Variants in HR observed in about 807,000 individuals in gnomAD.
HR encodes the protein lysine-specific demethylase hairless.
Under a neutral mutation model 128.6 loss-of-function variants are expected in HR, and 83 were observed. That is an observed-to-expected ratio of 0.65 (90% confidence interval 0.54 to 0.77). The LOEUF (loss-of-function observed/expected upper bound fraction) is 0.77, where lower values mean the gene tolerates loss of function less well. Ranked by LOEUF, HR falls within the 30% of genes least tolerant of loss-of-function variation. The pLI, the probability that HR is intolerant of heterozygous loss-of-function variation, is 0.00. For missense variants in HR, 1,490 were observed against 1,574.6 expected, an observed-to-expected ratio of 0.95 and a Z score of 0.91; for synonymous variants, 681 against 658.2, an observed-to-expected ratio of 1.03 and a Z score of -0.53.
In HR at chr8:22,127,717, T is replaced by G; in HGVS notation, c.725A>C (p.Glu242Ala). 1.2e-6 allele frequency: 2 copies of G among 1,606,798 alleles called. No homozygotes were observed. The highest frequency in any genetic ancestry group is 1.7e-6 in the Non-Finnish European group (2 of 1,179,996). ...CTGGTGCAGTGAAGGGCGTTCGGCC[T>G]CCCCGGCTCTCTGCAGGTGCCCACC... ...NSGGHLQRAG[E>A]AERPSLHQRD... The change falls in exon 3 of 19, where the codon GAG (glutamate) becomes GCG (alanine). Residue 242 changes from glutamate to alanine, a missense_variant. Around this residue, in one of 3 missense-constraint regions of HR, gnomAD observed 1,060 missense variants for 1,060.9 expected, o/e 1.00. Coordinates refer to ENST00000381418, the MANE Select transcript of HR (RefSeq NM_005144.5).
chr8:22,118,973 G>T lies in HR; in HGVS notation c.3190C>A (p.Arg1064Ser). 6.2e-7 allele frequency: 1 copy of T among 1,611,926 alleles called. No homozygotes were observed. The highest frequency in any genetic ancestry group is 8.5e-7 in the Non-Finnish European group (1 of 1,179,970). ...ACCATCTGGAGAAAGCGGCGGATGC[G>T]CTGGGCGTCCTGTGCCCGGAACACG... ...WHVFRAQDAQ[R>S]IRRFLQMVCP... Residue 1064 changes from arginine (R) to serine (S), a missense_variant, in exon 16 of 19, where the codon CGC becomes AGC. Physicochemically the swap from Arg to Ser is moderately radical, Grantham distance 110. Around this residue, in one of 3 missense-constraint regions of HR, gnomAD observed 423 missense variants for 495.9 expected, o/e 0.85. Coordinates refer to ENST00000381418, the MANE Select transcript of HR (RefSeq NM_005144.5).
rs1189000361 is a variant in HR, at chr8:22,128,598, G to A, written c.573C>T (p.Gly191=). 2 of 1,609,076 alleles carry A rather than the reference G, an allele frequency of 1.2e-6. No homozygotes were observed. Among genetic ancestry groups the A allele is most frequent in the Non-Finnish European group, 1.7e-6 (2 of 1,178,540 alleles). ...TGAAGGCAGAGGGCACTTTGGGCTG[G>A]CCCCCGGAGTATACCCAGGGGTGCG... ...LTPHPWVYSG[G]QPKVPSAFSL... The change falls in exon 2 of 19, where the codon GGC becomes GGT. Residue 191 remains glycine (G), a synonymous_variant. Coordinates refer to ENST00000381418, the MANE Select transcript of HR (RefSeq NM_005144.5).
rs560468454 is a variant in HR at position 22,126,548 on chromosome 8, G to A, written c.1405+489C>T. Among the ~76,000 whole-genome samples, 7 of 152,360 alleles carry A rather than the reference G, an allele frequency of 4.6e-5. No individual in the cohort carries two copies. In the South Asian group the frequency reaches 1.4e-3, roughly 32 times the overall value. ...CCCCAAACAGGGATTTGTGGCACAC[G>A]CAGTCATCACGGTGAACATTTACTG... On this transcript the variant is annotated intron_variant, in intron 3 of 18. Coordinates refer to ENST00000381418, the MANE Select transcript of HR (RefSeq NM_005144.5).
Position 22,116,612 on chromosome 8 carries a change from T to C in HR, c.3379-184A>G, listed in dbSNP as rs1322867995. Among the ~76,000 whole-genome samples, 16 of 150,660 alleles carry C rather than the reference T, an allele frequency of 1.1e-4. No individual in the cohort carries two copies. In the East Asian group the frequency reaches 3.1e-3, roughly 29 times the overall value. On this transcript the variant is annotated intron_variant, in intron 17 of 18. Coordinates refer to ENST00000381418, the MANE Select transcript of HR (RefSeq NM_005144.5). The surrounding 1 kb of genome is among the most constrained non-coding windows in gnomAD (Gnocchi z 4.2). Reference sequence around the variant, plus strand: ...GGCCAAAACCGGGACTCAGAACTGCTGGAGAGACCCTAAAGTCTCCCTGCG... The same window carrying C: ...GGCCAAAACCGGGACTCAGAACTGCCGGAGAGACCCTAAAGTCTCCCTGCG...
intron 9 of HR, 138 bp from the exon 10 acceptor site, chr8:22,121,366 G>T: frequency 8.5e-7 from 1 of 1,181,798 alleles, no homozygotes; most frequent in Non-Finnish European, 1.2e-6. Flanking sequence ...CCTCAGCTCT[G>T]CTCTGGGTCT....
chr8:22,126,988 C>CCCCGCG, intron 3 of HR, 49 bp downstream of exon 3: 3 of 1,552,164 alleles, frequency 1.9e-6, no homozygotes, highest in Non-Finnish European at 2.6e-6. Context: ...GCCCCAGCCC[C>CCCCGCG]GGCTGCCCCC....
At position 22,127,370 on chromosome 8, in the gene HR, G is replaced by C. The variant is rs1826923917; in HGVS notation, c.1072C>G (p.Pro358Ala). The C allele has an allele frequency of 3.7e-6, 6 of 1,613,378 alleles. No homozygotes were observed. Among genetic ancestry groups the C allele is most frequent in the Non-Finnish European group, 5.1e-6 (6 of 1,180,028 alleles). ...LEGGASGASEPSEEVNKASGP... is the reference protein window; with the variant it reads ...LEGGASGASEASEEVNKASGP... Reference sequence around the variant, plus strand: ...GAGGCCTTGTTCACTTCCTCGCTGGGTTCGCTGGCTCCACTGGCACCCCCC... The same window carrying C: ...GAGGCCTTGTTCACTTCCTCGCTGGCTTCGCTGGCTCCACTGGCACCCCCC... The change falls in exon 3 of 19, where the codon CCC becomes GCC. Residue 358 changes from proline (P) to alanine (A), a missense_variant. This residue lies in a region of HR where 1,060 missense variants were observed against 1,060.9 expected (regional missense o/e 1.00). Coordinates refer to ENST00000381418, the MANE Select transcript of HR (RefSeq NM_005144.5).
At position 22,120,814 on chromosome 8, in the gene HR, G is replaced by A. The variant is rs779106694; in HGVS notation, c.2512C>T (p.Arg838Trp). 87 of 1,546,746 alleles carry A rather than the reference G, an allele frequency of 5.6e-5. No homozygotes were observed. The highest frequency in any genetic ancestry group is 1.9e-4 in the South Asian group (16 of 84,076). ...LGLPLSPVRPRLPPPGALLWL... is the reference protein window; with the variant it reads ...LGLPLSPVRPWLPPPGALLWL... Reference sequence around the variant, plus strand: ...AGCAAAGCCCCTGGGGGAGGCAGCCGGGGCCGCACTGGAGAGAGGGGCAGG... The same window carrying A: ...AGCAAAGCCCCTGGGGGAGGCAGCCAGGGCCGCACTGGAGAGAGGGGCAGG... Residue 838 changes from arginine to tryptophan, a missense_variant, in exon 11 of 19, where the codon CGG becomes TGG. Arg to Trp is a moderately radical substitution (Grantham distance 101). Transcript: ENST00000381418.
chr8:22,118,010 T>C (rs1826634762), intron 16 of HR: 2 of 152,156 alleles, frequency 1.3e-5, no homozygotes, highest in Non-Finnish European at 1.5e-5. Context: ...TGGGCCGTAG[T>C]GACTGCCCAC....
In HR at chr8:22,122,838, C is replaced by T. The variant is rs1450116213; in HGVS notation, c.1957G>A (p.Gly653Arg). The T allele has an allele frequency of 1.1e-5, 17 of 1,555,824 alleles. No homozygotes were observed. The highest frequency in any genetic ancestry group is 1.9e-5 in the Admixed American group (1 of 51,890). ...AGCATCAGGGAACAGGCAGCGTGCC[C>T]GGCCTCCTGCGTGCACTCCTCCGCG... ...QSAEECTQEAGHAACSLMLTQ... is the reference protein window; with the variant it reads ...QSAEECTQEARHAACSLMLTQ... Residue 653 changes from glycine (G) to arginine (R), a missense_variant, in exon 7 of 19, where the codon GGG becomes AGG. Physicochemically the swap from Gly to Arg is moderately radical, Grantham distance 125. Transcript: ENST00000381418.
At chr8:22,123,617 T>TGGGGGCG in intron 6 of HR, 32 bp downstream of exon 6, 9 of 292,090 alleles carry the variant, frequency 3.1e-5, no homozygotes, top group Non-Finnish European at 4.4e-5. Context: ...GAGGGCTCCA[T>TGGGGGCG]CCCGCCCTCC....
Position 22,116,823 on chromosome 8 carries a change from TCG to T in HR, c.3378+50_3378+51del. Reference sequence around the variant, plus strand: ...TTGGATGCCTGCGGCCTTGATTGGGTCGCTTCTGCCATCCTGATCTCCCCGCA... The same window carrying T: ...TTGGATGCCTGCGGCCTTGATTGGGTCTTCTGCCATCCTGATCTCCCCGCA... On this transcript the variant is annotated intron_variant, in intron 17 of 18. Transcript: ENST00000381418. This position sits in a 1 kb window ranked among gnomAD's most constrained non-coding sequence, Gnocchi z 4.2. 6.5e-7 allele frequency: 1 copy of T among 1,543,086 alleles called. No homozygotes were observed. The highest frequency in any genetic ancestry group is 8.7e-7 in the Non-Finnish European group (1 of 1,147,810).
chr8:22,119,108 G>C (rs571979693), intron 15 of HR, 43 bp from the exon 16 acceptor site: 1 of 1,613,474 alleles, frequency 6.2e-7, no homozygotes. Context: ...GGCTGGTGGC[G>C]ACAAACACTC....
chr8:22,116,066 C>T lies in HR; in HGVS notation c.3507+234G>A, dbSNP rs572965992. Among the ~76,000 whole-genome samples the T allele has an allele frequency of 7.6e-4, 116 of 152,250 alleles. 1 individual carries two copies. Among genetic ancestry groups the T allele is most frequent in the African/African-American group, 2.7e-3 (112 of 41,552 alleles). ...AGGAGAATCACTTGAACCCAGGAGG[C>T]GGAGGTTGCAGGGAGCTGAGATAGT... On this transcript the variant is annotated intron_variant, in intron 18 of 18. Transcript: ENST00000381418. This position sits in a 1 kb window ranked among gnomAD's most constrained non-coding sequence, Gnocchi z 4.2.
chr8:22,120,385 G>C lies in HR; in HGVS notation c.2733C>G (p.Ser911Arg). The C allele has an allele frequency of 1.2e-6, 2 of 1,613,912 alleles. No homozygotes were observed. Among genetic ancestry groups the C allele is most frequent in the Non-Finnish European group, 1.7e-6 (2 of 1,180,018 alleles). The change falls in exon 12 of 19, where the codon AGC becomes AGG. Residue 911 changes from serine (S) to arginine (R), a missense_variant. Coordinates refer to ENST00000381418, the MANE Select transcript of HR (RefSeq NM_005144.5). ...CCTCCCAGAATGTTGTGCTGCCCAG[G>C]CTGCTGGGCTGGGGAGGTCCGAGGG... ...LSPLGPPQPSSLGSTTFWEGF... is the reference protein window; with the variant it reads ...LSPLGPPQPSRLGSTTFWEGF...
chr8:22,127,412 A>G lies in HR; in HGVS notation c.1030T>C (p.Cys344Arg). The G allele has an allele frequency of 3.1e-6, 5 of 1,613,140 alleles. No homozygotes were observed. Among genetic ancestry groups the G allele is most frequent in the Non-Finnish European group, 3.4e-6 (4 of 1,179,842 alleles). ...GCACCCCCCTCCAGGCCCTCCTGGC[A>G]CTTCCCACAAGGGCCAAGACCCCCA... ...KGGGLGPCGK[C>R]QEGLEGGASG... Residue 344 changes from cysteine to arginine, a missense_variant, in exon 3 of 19, where the codon TGC (cysteine) becomes CGC (arginine). Physicochemically the swap from Cys to Arg is radical, Grantham distance 180. Coordinates refer to ENST00000381418, the MANE Select transcript of HR (RefSeq NM_005144.5).
At position 22,127,178 on chromosome 8, in the gene HR, C is replaced by A. The variant is rs1473715136; in HGVS notation, c.1264G>T (p.Ala422Ser). The change falls in exon 3 of 19, where the codon GCA becomes TCA. Residue 422 changes from alanine (A) to serine (S), a missense_variant. Coordinates refer to ENST00000381418, the MANE Select transcript of HR (RefSeq NM_005144.5). Reference protein sequence around the residue: ...KRAGSPEVQGAMGSPAPKRPP... With the variant: ...KRAGSPEVQGSMGSPAPKRPP... ...CGCTTGGGGGCTGGACTGCCCATTG[C>A]TCCCTGGACCTCGGGGCTGCCTGCC... 6.2e-7 allele frequency: 1 copy of A among 1,612,820 alleles called. No individual in the cohort carries two copies. The highest frequency in any genetic ancestry group is 8.5e-7 in the Non-Finnish European group (1 of 1,180,000).
chr8:22,127,989 C>G, intron 2 of HR, 160 bp from the exon 3 acceptor site: 1 of 757,468 alleles, frequency 1.3e-6, no homozygotes, highest in Non-Finnish European at 2.3e-6. Flanking sequence ...GCCTCTGACA[C>G]TGTCCTGGCA....
chr8:22,126,451 G>C (rs959762616), intron 3 of HR, among the ~76,000 whole-genome samples: 1 of 152,234 alleles, frequency 6.6e-6, no homozygotes, highest in Non-Finnish European at 1.5e-5. Context: ...TCCAAACTGA[G>C]TCTCCAGCTC....
Sources: allele counts gnomAD v4.1 joint callset (sites outside exome capture counted in the v4.1 genomes callset), GRCh38; gene constraint gnomAD v4.1.1; regional missense constraint gnomAD v4.1.1; non-coding constraint Gnocchi (gnomAD v3.1); transcripts MANE v1.5; gene names NCBI Gene and HGNC (gene_info 2026-07-23, HGNC 2026-07-21).